STK33: variants seen among roughly 807,000 people sequenced by gnomAD.
The protein encoded by STK33 is serine/threonine-protein kinase 33.
Under a neutral mutation model 58.0 loss-of-function variants are expected in STK33, and 52 were observed. The ratio of observed to expected loss-of-function variants is 0.90; its 90% CI spans 0.72 to 1.13. STK33 has a LOEUF of 1.13. Ranked by LOEUF, STK33 falls within the 50% of genes most tolerant of loss-of-function variation. STK33 has a pLI of 0.00. For synonymous variants in STK33, 215 were observed against 200.1 expected, an observed-to-expected ratio of 1.07 and a Z score of -0.63; for missense variants, 630 against 604.2, an observed-to-expected ratio of 1.04 and a Z score of -0.45.
chr11:8,355,091 A>G, the STK33 span, among the ~76,000 whole-genome samples: 2 of 152,234 alleles, frequency 1.3e-5, no homozygotes, highest in African/African-American at 4.8e-5. Flanking sequence ...TGAGGCTTGA[A>G]CAAGGGCTGC....
intron 14 of STK33, among the ~76,000 whole-genome samples, chr11:8,426,925 C>T (rs1942842094): frequency 6.6e-6 from 1 of 152,276 alleles, no homozygotes; most frequent in African/African-American, 2.4e-5. Flanking sequence ...TGTGCTGCTC[C>T]CATGCCCTTG....
At chr11:8,477,690 ATTCTTT>A (rs1949411312) in intron 2 of STK33, among the ~76,000 whole-genome samples, 3 of 151,378 alleles carry the variant, frequency 2.0e-5, no homozygotes, top group Non-Finnish European at 4.4e-5. Context: ...AAAAACAGCT[ATTCTTT>A]TCTTAGCTTT....
At chr11:8,519,141 C>A (rs1319468074) in intron 1 of STK33, among the ~76,000 whole-genome samples, 1 of 152,216 alleles carries the variant, frequency 6.6e-6, no homozygotes, top group East Asian at 1.9e-4. Flanking sequence ...AACAAACTGT[C>A]TCTCAGACCA....
the STK33 span, among the ~76,000 whole-genome samples, chr11:8,369,429 C>G: frequency 6.6e-6 from 1 of 151,096 alleles, no homozygotes; most frequent in Non-Finnish European, 1.5e-5. Context: ...ATCTTCAGAT[C>G]TAAGAGTGGG....
At chr11:8,353,095 G>C in the STK33 span, among the ~76,000 whole-genome samples, 1 of 152,224 alleles carries the variant, frequency 6.6e-6, no homozygotes, top group African/African-American at 2.4e-5. Flanking sequence ...AGCACATCCA[G>C]GTGGGCCTGG....
intron 1 of STK33, among the ~76,000 whole-genome samples, chr11:8,510,148 A>G (rs1405086672): frequency 6.6e-6 from 1 of 152,186 alleles, no homozygotes; most frequent in African/African-American, 2.4e-5. Flanking sequence ...CCTTTTCACC[A>G]CATCCACACC....
intron 12 of STK33, among the ~76,000 whole-genome samples, chr11:8,438,998 A>G (rs1944403600): frequency 6.6e-6 from 1 of 152,200 alleles, no homozygotes; most frequent in Non-Finnish European, 1.5e-5. Context: ...TCCATTTCAC[A>G]CAACTGTGAA....
chr11:8,352,660 A>G, the STK33 span, among the ~76,000 whole-genome samples: 1 of 152,214 alleles, frequency 6.6e-6, no homozygotes, highest in African/African-American at 2.4e-5. Flanking sequence ...ACTGCCTGTA[A>G]AACTGCCTCA....
At chr11:8,425,869 C>T (rs1029138957) in intron 14 of STK33, among the ~76,000 whole-genome samples, 19 of 152,060 alleles carry the variant, frequency 1.2e-4, no homozygotes, top group East Asian at 1.9e-4. Flanking sequence ...CTGTGTCCCG[C>T]GGCTCAAACC....
Position 8,556,263 on chromosome 11 carries a change from G to A in STK33, c.-466+37820C>T, listed in dbSNP as rs1956739837. On this transcript the variant is annotated intron_variant, in intron 1 of 15. Coordinates refer to ENST00000687296, the MANE Select transcript of STK33 (RefSeq NM_001352389.2). ...CTGAGCAGAAAAAAGCGTCATCAAA[G>A]TTGTGCTTTAGAAAGATCAATCTAG... Among the ~76,000 whole-genome samples, 3 of 152,156 alleles carry A rather than the reference G, an allele frequency of 2.0e-5. No homozygotes were observed. In the South Asian group the frequency reaches 6.2e-4, roughly 32 times the overall value.
chr11:8,587,611 A>T (rs2031915719), intron 1 of STK33, among the ~76,000 whole-genome samples: 1 of 151,930 alleles, frequency 6.6e-6, no homozygotes, highest in Non-Finnish European at 1.5e-5. Flanking sequence ...AAAAAAGATG[A>T]AAAGTTCTTT....
intron 15 of STK33, among the ~76,000 whole-genome samples, chr11:8,397,254 G>A (rs1016542058): frequency 3.3e-5 from 5 of 152,182 alleles, no homozygotes; most frequent in South Asian, 2.1e-4. Context: ...GGTACTCCTC[G>A]GAGACAAAAC....
intron 1 of STK33, among the ~76,000 whole-genome samples, chr11:8,579,188 G>C (rs1484401632): frequency 1.3e-5 from 2 of 151,936 alleles, no homozygotes; most frequent in Non-Finnish European, 2.9e-5. Context: ...TGAAGAATCA[G>C]TTAGAGTAGG....
chr11:8,536,972 A>ATTTT lies in STK33; in HGVS notation c.-465-56362_-465-56359dup, dbSNP rs1232336873. ...AATTAAAAAAAAAAAAAAAAAAAAG[A>ATTTT]TTTTTTTTTTTTTTTTTTTTTTTTT... On this transcript the variant is annotated intron_variant, in intron 1 of 15. Coordinates refer to ENST00000687296, the MANE Select transcript of STK33 (RefSeq NM_001352389.2). Among the ~76,000 whole-genome samples the ATTTT allele has an allele frequency of 8.5e-3, 561 of 65,704 alleles. 63 individuals are homozygous for ATTTT. Among genetic ancestry groups the ATTTT allele is most frequent in the African/African-American group, 0.025 (370 of 14,722 alleles). The allele number at this position is 65,704 out of a possible 152,430, so 43.1% of individuals were successfully genotyped here.
chr11:8,501,283 A>G lies in STK33; in HGVS notation c.-465-20669T>C, dbSNP rs888149434. On this transcript the variant is annotated intron_variant, in intron 1 of 15. Coordinates refer to ENST00000687296, the MANE Select transcript of STK33 (RefSeq NM_001352389.2). ...ACAGACTTGGAGAAAATATTTGCAAATCATATAGTTAATGAGGGCCTACTA... is the reference window on the plus strand; with the variant it reads ...ACAGACTTGGAGAAAATATTTGCAAGTCATATAGTTAATGAGGGCCTACTA... 2.0e-5 allele frequency among the ~76,000 whole-genome samples: 3 copies of G among 152,288 alleles called. No individual in the cohort carries two copies. The East Asian group carries it at 5.8e-4, about 29-fold the overall frequency.
At chr11:8,364,076 G>A in the STK33 span, among the ~76,000 whole-genome samples, 15 of 152,198 alleles carry the variant, frequency 9.9e-5, no homozygotes, top group African/African-American at 3.4e-4. Flanking sequence ...AAGTTCCTTC[G>A]GTGTGAAGTG....
At chr11:8,530,735 G>T (rs1204411288) in intron 1 of STK33, among the ~76,000 whole-genome samples, 1 of 152,134 alleles carries the variant, frequency 6.6e-6, no homozygotes, top group Non-Finnish European at 1.5e-5. Context: ...TGTCGCCCAG[G>T]CTGGAGGGCA....
At chr11:8,401,003 T>C (rs945411928) in intron 15 of STK33, among the ~76,000 whole-genome samples, 9 of 152,166 alleles carry the variant, frequency 5.9e-5, no homozygotes, top group Non-Finnish European at 1.3e-4. Flanking sequence ...TCCATGCTCA[T>C]GGGTAGGAAG....
At chr11:8,553,792 T>G (rs1384643132) in intron 1 of STK33, among the ~76,000 whole-genome samples, 1 of 152,026 alleles carries the variant, frequency 6.6e-6, no homozygotes, top group African/African-American at 2.4e-5. Context: ...ATACCATATA[T>G]AAAAATCAAC....
Sources: allele counts gnomAD v4.1 joint callset (sites outside exome capture counted in the v4.1 genomes callset), GRCh38; gene constraint gnomAD v4.1.1; transcripts MANE v1.5; gene names NCBI Gene and HGNC (gene_info 2026-07-23, HGNC 2026-07-21).